The following ITGA6 variants were observed in gnomAD, a reference collection of about 807,000 sequenced individuals.
The protein encoded by ITGA6 is integrin alpha-6.
In ITGA6, 63 loss-of-function variants were observed where a neutral mutation model predicts 133.6. That is an observed-to-expected ratio of 0.47 (90% CI 0.38 to 0.58). The LOEUF (loss-of-function observed/expected upper bound fraction) is 0.58, where lower values mean the gene tolerates loss of function less well. ITGA6 is among the 20% of genes least tolerant of loss of function. ITGA6 has a pLI of 0.00. For missense variants in ITGA6, 1,068 were observed against 1,309.4 expected, an observed-to-expected ratio of 0.82 and a Z score of 2.85; for synonymous variants, 434 against 482.0, an observed-to-expected ratio of 0.90 and a Z score of 1.30.
At chr2:172,478,916 C>G (rs138265102) in intron 9 of ITGA6, among the ~76,000 whole-genome samples, 54 of 152,268 alleles carry the variant, frequency 3.5e-4, no homozygotes, top group African/African-American at 1.1e-3. Flanking sequence ...TGATCATGAG[C>G]ATCTCAGGTA....
At position 172,467,571 on chromosome 2, in the gene ITGA6, A is replaced by C. The variant is rs1398086708; in HGVS notation, c.387+11A>C. 3.1e-6 allele frequency: 5 copies of C among 1,604,724 alleles called. No homozygotes were observed. Among genetic ancestry groups the C allele is most frequent in the Non-Finnish European group, 4.3e-6 (5 of 1,171,654 alleles). ...GGGGGCAAGGTCGTGGTAAGTGTAG[A>C]GACACATGTTCATCCTATACTGTTG... On this transcript the variant is annotated intron_variant, in intron 3 of 25. Coordinates refer to ENST00000684293, the MANE Select transcript of ITGA6 (RefSeq NM_000210.4).
At chr2:172,442,416 C>T (rs1381827003) in intron 1 of ITGA6, among the ~76,000 whole-genome samples, 1 of 152,156 alleles carries the variant, frequency 6.6e-6, no homozygotes, top group Non-Finnish European at 1.5e-5. Flanking sequence ...CAGATTCAGT[C>T]CTTTCTGAAA....
rs2149075391 is a variant in ITGA6, at chr2:172,488,143, A to G, written c.2420A>G (p.Gln807Arg). 6.2e-7 allele frequency: 1 copy of G among 1,614,048 alleles called. No individual in the cohort carries two copies. The highest frequency in any genetic ancestry group is 2.2e-5 in the East Asian group (1 of 44,856). ...TTTGACAGAGTTGCTAAACCTTCCC[A>G]GGTGTATTTTGGAGGTACAGTTGTT... ...LSVSGVAKPS[Q>R]VYFGGTVVGE... Residue 807 changes from glutamine (Q) to arginine (R), a missense_variant, in exon 19 of 26, where the codon CAG (glutamine) becomes CGG (arginine). This residue lies in a region of ITGA6 where 609 missense variants were observed against 707.2 expected (regional missense o/e 0.86). Coordinates refer to ENST00000684293, the MANE Select transcript of ITGA6 (RefSeq NM_000210.4).
At chr2:172,479,337 C>G (rs1244798523) in intron 9 of ITGA6, among the ~76,000 whole-genome samples, 1 of 152,144 alleles carries the variant, frequency 6.6e-6, no homozygotes, top group Non-Finnish European at 1.5e-5. Flanking sequence ...GAAGAACATA[C>G]AAGGCTACTT....
chr2:172,482,525 TA>T (rs1686490541), intron 11 of ITGA6, among the ~76,000 whole-genome samples: 2 of 152,250 alleles, frequency 1.3e-5, no homozygotes, highest in South Asian at 4.1e-4. Flanking sequence ...GCAAAGATTT[TA>T]AGATGATGTG....
chr2:172,465,845 G>A, intron 2 of ITGA6, 182 bp downstream of exon 2: 1 of 879,842 alleles, frequency 1.1e-6, no homozygotes, highest in Non-Finnish European at 1.8e-6. Context: ...ATCATACTGG[G>A]ATGCCGCGTG....
At position 172,454,873 on chromosome 2, in the gene ITGA6, G is replaced by A. The variant is rs573716879; in HGVS notation, c.183-10666G>A. ...ATGAAAGAAGGAACCATGAGTCAGG[G>A]AAAGTTTTCCTGTTGGGCACTAGGC... On this transcript the variant is annotated intron_variant, in intron 1 of 25. Coordinates refer to ENST00000684293, the MANE Select transcript of ITGA6 (RefSeq NM_000210.4). 2.7e-3 allele frequency among the ~76,000 whole-genome samples: 405 copies of A among 152,292 alleles called. 4 individuals are homozygous for A. The highest frequency in any genetic ancestry group is 5.0e-3 in the Admixed American group (77 of 15,304).
chr2:172,438,338 G>T lies in ITGA6; in HGVS notation c.182+10368G>T, dbSNP rs80129407. ...ATCACAGTTATGAGGAAGAAAGGTCGGATGAGGGGCACAGATGCAGGTAGG... is the reference window on the plus strand; with the variant it reads ...ATCACAGTTATGAGGAAGAAAGGTCTGATGAGGGGCACAGATGCAGGTAGG... On this transcript the variant is annotated intron_variant, in intron 1 of 25. Coordinates refer to ENST00000684293, the MANE Select transcript of ITGA6 (RefSeq NM_000210.4). Among the ~76,000 whole-genome samples, 254 of 151,778 alleles carry T rather than the reference G, an allele frequency of 1.7e-3. 1 individual carries two copies. The highest frequency in any genetic ancestry group is 5.6e-3 in the African/African-American group (234 of 41,510).
rs67271824 is a variant in ITGA6, at chr2:172,486,176, C to CAAAAAAAAAAAA, written c.1855-837_1855-826dup. Among the ~76,000 whole-genome samples the CAAAAAAAAAAAA allele has an allele frequency of 3.5e-3, 270 of 77,276 alleles. 12 individuals carry two copies. The East Asian group carries it at 0.063, about 18-fold the overall frequency. 50.7% of individuals were successfully genotyped at this position (77,276 alleles called of 152,430 possible). ...GGCAAAAAGAGTAAGACTCTATCTC[C>CAAAAAAAAAAAA]AAAAAAAAAAAAAAAAAAAAACAAC... On this transcript the variant is annotated intron_variant, in intron 13 of 25. Transcript: ENST00000684293.
intron 1 of ITGA6, among the ~76,000 whole-genome samples, chr2:172,446,425 C>T (rs1404435625): frequency 1.3e-5 from 2 of 151,810 alleles, no homozygotes; most frequent in Non-Finnish European, 2.9e-5. Flanking sequence ...AATAGAAAAA[C>T]CTGCTTGGTC....
In ITGA6 at chr2:172,476,433, T is replaced by C; in HGVS notation, c.1308T>C (p.Ile436=). Residue 436 remains isoleucine, a synonymous_variant, in exon 9 of 26, where the codon ATT becomes ATC. Transcript: ENST00000684293. ...TATCACCTTATTTTGGATATTCAAT[T>C]GCTGGAAACATGGACCTTGATCGAA... ...KGISPYFGYS[I]AGNMDLDRNS... is the part of the protein sequence containing the mutation. 3 of 1,612,386 alleles carry C rather than the reference T, an allele frequency of 1.9e-6. No individual in the cohort carries two copies. Among genetic ancestry groups the C allele is most frequent in the Non-Finnish European group, 2.5e-6 (3 of 1,178,508 alleles).
rs6433360 is a variant in ITGA6, at chr2:172,467,287, G to T, written c.308-194G>T. On this transcript the variant is annotated intron_variant, in intron 2 of 25. Coordinates refer to ENST00000684293, the MANE Select transcript of ITGA6 (RefSeq NM_000210.4). ...GAGCTAAGTACTTTATGTTTCAAAT[G>T]TTTGAAAGATTCCAAAAACCACATC... 0.14 allele frequency among the ~76,000 whole-genome samples: 22,073 copies of T among 152,230 alleles called. 1,719 individuals carry two copies. Among genetic ancestry groups the T allele is most frequent in the Non-Finnish European group, 0.17 (11,318 of 68,006 alleles).
At chr2:172,448,046 A>G (rs1216982468) in intron 1 of ITGA6, among the ~76,000 whole-genome samples, 11 of 152,156 alleles carry the variant, frequency 7.2e-5, no homozygotes, top group Admixed American at 6.5e-4. Flanking sequence ...CAAATGTCAC[A>G]TGAGCATCAT....
intron 8 of ITGA6, 120 bp downstream of exon 8, chr2:172,475,805 T>C (rs187805467): frequency 1.5e-6 from 1 of 676,218 alleles, no homozygotes; most frequent in African/African-American, 1.8e-5. Flanking sequence ...CACAATAGTA[T>C]AAATTTTTTA....
chr2:172,452,786 A>G (rs185499688), intron 1 of ITGA6, among the ~76,000 whole-genome samples: 2 of 152,346 alleles, frequency 1.3e-5, no homozygotes, highest in Admixed American at 1.3e-4. Flanking sequence ...GTTACAGATA[A>G]GGGCATCTGC....
Position 172,475,603 on chromosome 2 carries a change from C to T in ITGA6, c.1187C>T (p.Ala396Val). Residue 396 changes from alanine to valine, a missense_variant, in exon 8 of 26, where the codon GCA becomes GTA. Coordinates refer to ENST00000684293, the MANE Select transcript of ITGA6 (RefSeq NM_000210.4). Reference sequence around the variant, plus strand: ...AATGTGATGTTGTCAACAGATATTGCAGTTGGAGCTCCGTATGATGACTTG... The same window carrying T: ...AATGTGATGTTGTCAACAGATATTGTAGTTGGAGCTCCGTATGATGACTTG... ...DINQDGYPDI[A>V]VGAPYDDLGK... 1 of 1,571,774 alleles carries T rather than the reference C, an allele frequency of 6.4e-7. No homozygotes were observed. The highest frequency in any genetic ancestry group is 8.8e-7 in the Non-Finnish European group (1 of 1,141,350).
intron 1 of ITGA6, among the ~76,000 whole-genome samples, chr2:172,429,338 G>A (rs559289705): frequency 6.6e-6 from 1 of 152,100 alleles, no homozygotes; most frequent in African/African-American, 2.4e-5. Flanking sequence ...GAAATGAAAG[G>A]TTCCTGTTAA....
intron 1 of ITGA6, among the ~76,000 whole-genome samples, chr2:172,433,319 G>GTTTCTTGGAGCTTCT (rs548625415): frequency 7.6e-4 from 116 of 152,308 alleles, no homozygotes; most frequent in African/African-American, 2.6e-3. Context: ...GTTTCCATAA[G>GTTTCTTGGAGCTTCT]TGTGCTCCAA....
Position 172,476,451 on chromosome 2 carries a change from T to G in ITGA6, c.1326T>G (p.Leu442=). 1 of 1,613,172 alleles carries G rather than the reference T, an allele frequency of 6.2e-7. No homozygotes were observed. The highest frequency in any genetic ancestry group is 8.5e-7 in the Non-Finnish European group (1 of 1,179,246). The change falls in exon 9 of 26, where the codon CTT becomes CTG. Residue 442 remains leucine, a synonymous_variant. Coordinates refer to ENST00000684293, the MANE Select transcript of ITGA6 (RefSeq NM_000210.4). ...FGYSIAGNMD[L]DRNSYPDVAV... ...ATTCAATTGCTGGAAACATGGACCT[T>G]GATCGAAATTCCTACCCTGATGTTG...
Sources: gnomAD v4.1 joint callset for allele counts (sites outside exome capture counted in the v4.1 genomes callset) on GRCh38, gnomAD v4.1.1 for gene constraint, gnomAD v4.1.1 regional missense constraint, MANE v1.5 for transcripts, NCBI Gene and HGNC (gene_info 2026-07-23, HGNC 2026-07-21) for gene names.